Variants in TNRC6A observed in about 807,000 individuals in gnomAD.
The protein encoded by TNRC6A is trinucleotide repeat containing adaptor 6A.
A neutral mutation model predicts 221.2 loss-of-function variants in TNRC6A; 44 were observed. The observed-to-expected ratio is 0.20, with a 90% CI of 0.16 to 0.26. The LOEUF (loss-of-function observed/expected upper bound fraction) is 0.26. Ranked by LOEUF, TNRC6A falls within the 10% of genes least tolerant of loss-of-function variation. The pLI is 1.00. For synonymous variants in TNRC6A, 847 were observed against 838.5 expected (o/e 1.01, Z -0.18); for missense variants, 2,199 against 2,404.4 (o/e 0.91, Z 1.79).
At chr16:24,726,111 C>T (rs2151112783), upstream of TNRC6A, among the ~76,000 whole-genome samples, 1 of 152,176 alleles carries the variant, frequency 6.6e-6, no homozygotes, top group South Asian at 2.1e-4. Flanking sequence ...ATAGTAGGTG[C>T]TCAATAAATA....
chr16:24,785,439 C>T (rs1230382495), intron 5 of TNRC6A, among the ~76,000 whole-genome samples: 1 of 152,176 alleles, frequency 6.6e-6, no homozygotes, highest in Non-Finnish European at 1.5e-5. Context: ...AATATTTTTG[C>T]TAGCTTTATT....
rs150402538 is a variant in TNRC6A, at chr16:24,820,164, A to T, written c.5106A>T (p.Thr1702=). The part of the protein sequence containing the change: ...TSARNSDSKL[T]WSPGSVTNTS... Reference sequence around the variant, plus strand: ...CCAGAAATAGTGATTCCAAATTGACATGGTCTCCTGGTTCAGTTACAAACA... The same window carrying T: ...CCAGAAATAGTGATTCCAAATTGACTTGGTCTCCTGGTTCAGTTACAAACA... The change falls in exon 22 of 25, where the codon ACA becomes ACT. Residue 1702 remains threonine (T), a synonymous_variant. Coordinates refer to ENST00000395799, the MANE Select transcript of TNRC6A (RefSeq NM_014494.4). 5 of 1,614,020 alleles carry T rather than the reference A, an allele frequency of 3.1e-6. No individual in the cohort carries two copies. Among genetic ancestry groups the T allele is most frequent in the Middle Eastern group, 3.3e-4 (2 of 6,062 alleles).
intron 22 of TNRC6A, 113 bp downstream of exon 22, chr16:24,820,473 A>C (rs945066856): frequency 2.0e-5 from 18 of 911,248 alleles, no homozygotes; most frequent in Non-Finnish European, 2.9e-5. Flanking sequence ...CACCTCCATC[A>C]GGGGGAATGA....
Position 24,804,855 on chromosome 16 carries a change from A to G in TNRC6A, c.3984+4A>G, listed in dbSNP as rs2058398079. On this transcript the variant is annotated splice_donor_region_variant and intron_variant, in intron 13 of 24. Coordinates refer to ENST00000395799, the MANE Select transcript of TNRC6A (RefSeq NM_014494.4). ...AAACTTGAATTCTGTTAGACAGGTA[A>G]GTCCAGATGTGTATTTTAGGCTCTC... The G allele has an allele frequency of 6.2e-7, 1 of 1,613,118 alleles. No homozygotes were observed. Among genetic ancestry groups the G allele is most frequent in the South Asian group, 1.1e-5 (1 of 90,778 alleles).
At chr16:24,635,869 T>C (rs567871953) in intron 1 of TNRC6A, among the ~76,000 whole-genome samples, 7 of 152,382 alleles carry the variant, frequency 4.6e-5, no homozygotes, top group Admixed American at 1.3e-4. Context: ...ATGATAGCAG[T>C]AGCTCACATC....
At chr16:24,712,919 G>GTA (rs1567379594) in intron 2 of TNRC6A, among the ~76,000 whole-genome samples, 6 of 92,862 alleles carry the variant, frequency 6.5e-5, no homozygotes, top group African/African-American at 1.8e-4. Context: ...GTGTGTGTGT[G>GTA]TGTGTGTGTG....
chr16:24,663,763 A>C (rs1278831417), intron 2 of TNRC6A: 1 of 355,942 alleles, frequency 2.8e-6, no homozygotes, highest in Non-Finnish European at 5.6e-6. Flanking sequence ...CTTGGGGATC[A>C]GTTACCCAGT....
At chr16:24,648,476 T>A (rs190569953) in intron 2 of TNRC6A, among the ~76,000 whole-genome samples, 15 of 152,014 alleles carry the variant, frequency 9.9e-5, no homozygotes, top group African/African-American at 2.9e-4. Context: ...TTCACCGTGT[T>A]AGCCAGGATG....
chr16:24,640,488 G>C (rs772395207), intron 1 of TNRC6A, among the ~76,000 whole-genome samples: 9 of 152,140 alleles, frequency 5.9e-5, no homozygotes, highest in Non-Finnish European at 1.2e-4. Flanking sequence ...AGCACTTTGG[G>C]AAGCTGAGGC....
intron 3 of TNRC6A, among the ~76,000 whole-genome samples, chr16:24,757,262 A>G (rs1435223404): frequency 1.4e-5 from 2 of 145,030 alleles, no homozygotes; most frequent in Non-Finnish European, 1.5e-5. Flanking sequence ...CTTTCTGGGG[A>G]AAGATTAATG....
At chr16:24,675,692 CTCTCTCTCTCTATATATATA>C (rs1424360671) in intron 2 of TNRC6A, among the ~76,000 whole-genome samples, 8 of 85,822 alleles carry the variant, frequency 9.3e-5, no homozygotes, top group African/African-American at 3.9e-4. Context: ...CTCTCTCTCT[CTCTCTCTCTCTATATATATA>C]TATATATATA....
At chr16:24,810,683 G>A (rs2058524389) in intron 18 of TNRC6A, among the ~76,000 whole-genome samples, 1 of 152,114 alleles carries the variant, frequency 6.6e-6, no homozygotes, top group Non-Finnish European at 1.5e-5. Flanking sequence ...TGGGGGTGAA[G>A]GTGCAAATGA....
chr16:24,758,169 A>G (rs529163827), intron 3 of TNRC6A, among the ~76,000 whole-genome samples, 170 bp from the exon 4 acceptor site: 99 of 152,334 alleles, frequency 6.5e-4, no homozygotes, highest in Non-Finnish European at 1.2e-3. Context: ...TCTGTGGGAA[A>G]AGCATGCTTT....
intron 2 of TNRC6A, among the ~76,000 whole-genome samples, chr16:24,703,242 CCTCT>C (rs1348517144): frequency 6.6e-6 from 1 of 152,082 alleles, no homozygotes; most frequent in East Asian, 1.9e-4. Flanking sequence ...TAATCTACTT[CCTCT>C]CTCTATGGAT....
At chr16:24,739,478 CT>C (rs71383710) in intron 2 of TNRC6A, among the ~76,000 whole-genome samples, 94 of 118,286 alleles carry the variant, frequency 7.9e-4, no homozygotes, top group South Asian at 1.1e-3. Flanking sequence ...TTTCCTTTCA[CT>C]TTTTTTTTTT....
chr16:24,748,429 A>T (rs2057061078), intron 2 of TNRC6A, among the ~76,000 whole-genome samples: 1 of 152,118 alleles, frequency 6.6e-6, no homozygotes, highest in Non-Finnish European at 1.5e-5. Context: ...TACCTCCTGC[A>T]CACAGAATTC....
intron 2 of TNRC6A, among the ~76,000 whole-genome samples, chr16:24,648,686 T>C (rs1032100013): frequency 3.9e-5 from 6 of 152,208 alleles, no homozygotes; most frequent in African/African-American, 1.4e-4. Context: ...GTAATCGCCA[T>C]CCTAATGGGT....
At chr16:24,755,103 A>G (rs983943986) in intron 3 of TNRC6A, among the ~76,000 whole-genome samples, 1 of 152,162 alleles carries the variant, frequency 6.6e-6, no homozygotes, top group Non-Finnish European at 1.5e-5. Context: ...TGCACCTTAC[A>G]CTTCTCTTTT....
chr16:24,820,520 C>CA (rs2058747199), intron 22 of TNRC6A, among the ~76,000 whole-genome samples, 160 bp downstream of exon 22: 2 of 152,222 alleles, frequency 1.3e-5, no homozygotes, highest in African/African-American at 4.8e-5. Flanking sequence ...CAAAGGCACA[C>CA]AACAGGCTGC....
Sources: allele counts gnomAD v4.1 joint callset (sites outside exome capture counted in the v4.1 genomes callset), GRCh38; gene constraint gnomAD v4.1.1; transcripts MANE v1.5; gene names NCBI Gene and HGNC (gene_info 2026-07-23, HGNC 2026-07-21).